Variants in TENM2 observed in about 807,000 individuals in gnomAD.
TENM2 encodes the protein teneurin-2.
In TENM2, 52 loss-of-function variants were observed where a neutral mutation model predicts 245.2. The observed-to-expected ratio is 0.21, with a 90% CI of 0.17 to 0.27. The LOEUF is 0.27. TENM2 is among the 10% of genes least tolerant of loss of function. TENM2 has a pLI of 1.00. For missense variants in TENM2, 3,046 were observed against 3,666.8 expected (o/e 0.83, Z 4.37); for synonymous variants, 1,363 against 1,438.9 (o/e 0.95, Z 1.19).
rs116597489 is a variant in TENM2, at chr5:168,114,907, G to T, written c.1814-3385G>T. ...TTTAAATTTGATTTCCCAAGCACCTGGTTTTAAATAAAACCCATTCTTACC... is the reference window on the plus strand; with the variant it reads ...TTTAAATTTGATTTCCCAAGCACCTTGTTTTAAATAAAACCCATTCTTACC... On this transcript the variant is annotated intron_variant, in intron 9 of 28. Coordinates refer to ENST00000518659, the Ensembl canonical transcript of TENM2. Among the ~76,000 whole-genome samples, 1,160 of 152,138 alleles carry T rather than the reference G, an allele frequency of 7.6e-3. 7 individuals are homozygous for T. The highest frequency in any genetic ancestry group is 0.027 in the African/African-American group (1,115 of 41,502).
intron 2 of TENM2, among the ~76,000 whole-genome samples, chr5:167,827,828 A>G (rs1364771173): frequency 6.6e-6 from 1 of 152,146 alleles, no homozygotes; most frequent in East Asian, 1.9e-4. Flanking sequence ...GGGTCATAGC[A>G]AAACTCTCCA....
chr5:168,100,410 T>A (rs1205208792), intron 9 of TENM2, among the ~76,000 whole-genome samples: 1 of 151,136 alleles, frequency 6.6e-6, no homozygotes, highest in African/African-American at 2.4e-5. Flanking sequence ...TATAAATCAT[T>A]CTACTATAAA....
the TENM2 span, among the ~76,000 whole-genome samples, chr5:167,115,076 A>C: frequency 6.6e-6 from 1 of 152,240 alleles, no homozygotes. Context: ...GAAGACCTTG[A>C]AGCTGAGATC....
chr5:167,336,404 T>C (rs1286728785), intron 1 of TENM2, among the ~76,000 whole-genome samples: 1 of 151,748 alleles, frequency 6.6e-6, no homozygotes, highest in Non-Finnish European at 1.5e-5. Flanking sequence ...TGGTTTTTTT[T>C]TTTTCTTTGC....
chr5:168,141,277 A>G (rs1410715243), intron 12 of TENM2, among the ~76,000 whole-genome samples: 1 of 152,138 alleles, frequency 6.6e-6, no homozygotes, highest in Non-Finnish European at 1.5e-5. Context: ...CAGGCTACTG[A>G]TTTCTGGGAA....
chr5:168,069,268 A>C (rs531013663), intron 7 of TENM2, among the ~76,000 whole-genome samples: 1 of 152,292 alleles, frequency 6.6e-6, no homozygotes, highest in African/African-American at 2.4e-5. Flanking sequence ...CAGATCTTTA[A>C]GCTTCCTGAT....
At chr5:167,046,972 G>T in the TENM2 span, among the ~76,000 whole-genome samples, 1 of 151,360 alleles carries the variant, frequency 6.6e-6, no homozygotes, top group Non-Finnish European at 1.5e-5. Flanking sequence ...TTCTGTTCCT[G>T]TGTTAGTTTG....
At chr5:167,652,148 T>C (rs1336099500) in intron 2 of TENM2, among the ~76,000 whole-genome samples, 1 of 152,208 alleles carries the variant, frequency 6.6e-6, no homozygotes, top group Non-Finnish European at 1.5e-5. Context: ...TAAACTAGAC[T>C]ATGCCAAGAG....
At chr5:168,044,316 G>A (rs898620030) in intron 5 of TENM2, among the ~76,000 whole-genome samples, 1 of 152,192 alleles carries the variant, frequency 6.6e-6, no homozygotes, top group Admixed American at 6.5e-5. Flanking sequence ...TCGGGAGGGT[G>A]AGGCAAGAGA....
intron 2 of TENM2, among the ~76,000 whole-genome samples, chr5:167,497,031 T>C (rs1768864892): frequency 6.6e-6 from 1 of 151,488 alleles, no homozygotes; most frequent in African/African-American, 2.4e-5. Flanking sequence ...TGAAGAAGAG[T>C]AAGATCAGAA....
the TENM2 span, among the ~76,000 whole-genome samples, chr5:167,095,676 A>T: frequency 6.6e-6 from 1 of 152,118 alleles, no homozygotes; most frequent in Non-Finnish European, 1.5e-5. Flanking sequence ...CATAGATCTT[A>T]AGTGTTCAGT....
At chr5:167,375,254 G>A (rs1760678051) in exon 2 of TENM2, 2 of 1,551,660 alleles carry the variant, frequency 1.3e-6, no homozygotes, top group Non-Finnish European at 8.7e-7. Context: ...ACACCGAAGC[G>A]GCTACTGCTC....
chr5:167,471,513 G>A (rs901166569), intron 2 of TENM2, among the ~76,000 whole-genome samples: 6 of 152,094 alleles, frequency 3.9e-5, no homozygotes, highest in East Asian at 1.9e-4. Context: ...AATCAGGTAC[G>A]CTGAAGTGGC....
chr5:167,210,117 C>T, the TENM2 span, among the ~76,000 whole-genome samples: 1 of 152,158 alleles, frequency 6.6e-6, no homozygotes, highest in Non-Finnish European at 1.5e-5. Flanking sequence ...CACAGGATAA[C>T]TTCATAAAGT....
the TENM2 span, among the ~76,000 whole-genome samples, chr5:167,009,422 A>C: frequency 6.6e-6 from 1 of 152,238 alleles, no homozygotes; most frequent in Admixed American, 6.5e-5. Flanking sequence ...ACTGCTCAAA[A>C]TAAATAAATG....
At chr5:168,156,829 C>A (rs938135207) in intron 12 of TENM2, among the ~76,000 whole-genome samples, 1 of 152,152 alleles carries the variant, frequency 6.6e-6, no homozygotes, top group Non-Finnish European at 1.5e-5. Flanking sequence ...TTTCCCCCAA[C>A]TACTTATTGA....
chr5:167,854,629 A>G (rs919136491), intron 2 of TENM2, among the ~76,000 whole-genome samples: 7 of 152,226 alleles, frequency 4.6e-5, no homozygotes, highest in Non-Finnish European at 2.9e-5. Context: ...TTTTCTAAGC[A>G]ACAATTGGCA....
At chr5:167,594,630 T>A (rs781230194) in intron 2 of TENM2, among the ~76,000 whole-genome samples, 2 of 152,208 alleles carry the variant, frequency 1.3e-5, no homozygotes, top group Non-Finnish European at 2.9e-5. Context: ...GAATCAGAAT[T>A]GAATGTTTGT....
At chr5:167,112,966 A>G in the TENM2 span, among the ~76,000 whole-genome samples, 1 of 152,190 alleles carries the variant, frequency 6.6e-6, no homozygotes, top group African/African-American at 2.4e-5. Flanking sequence ...AGAGAGAAAG[A>G]TAGTGTTCTT....
Sources: allele counts gnomAD v4.1 joint callset (sites outside exome capture counted in the v4.1 genomes callset), GRCh38; gene constraint gnomAD v4.1.1; transcripts MANE v1.5; gene names NCBI Gene and HGNC (gene_info 2026-07-23, HGNC 2026-07-21).